Variants in FKBP15 observed in about 807,000 individuals in gnomAD.
FKBP15 encodes FK506-binding protein 15.
A neutral mutation model predicts 158.1 loss-of-function variants in FKBP15; 106 were observed. That is an observed-to-expected ratio of 0.67 (90% CI 0.57 to 0.79). The LOEUF (loss-of-function observed/expected upper bound fraction) is 0.79. Among genes scored for constraint, FKBP15 ranks in the 30% least tolerant of loss-of-function variants. FKBP15 has a pLI of 0.00. For synonymous variants in FKBP15, 547 were observed against 548.6 expected (o/e 1.00, Z 0.04); for missense variants, 1,287 against 1,479.1 (o/e 0.87, Z 2.13).
chr9:113,206,682 C>A (rs1265529413), intron 3 of FKBP15, 104 bp from the exon 4 acceptor site: 3 of 551,228 alleles, frequency 5.4e-6, no homozygotes, highest in Non-Finnish European at 9.2e-6. Flanking sequence ...CATTCAGCCT[C>A]TAGGCAGGGA....
At position 113,178,655 on chromosome 9, in the gene FKBP15, G is replaced by A; in HGVS notation, c.2061C>T (p.Leu687=). The A allele has an allele frequency of 6.2e-7, 1 of 1,610,184 alleles. No individual in the cohort carries two copies. Among genetic ancestry groups the A allele is most frequent in the Non-Finnish European group, 8.5e-7 (1 of 1,178,550 alleles). ...LKETDLLRGQ[L]TKVQAKLSEL... is the part of the protein sequence containing the mutation. ...CTGAGAGCTTTGCCTGCACTTTGGTGAGCTGGCCCCTGAGAAGATCTGTCT... is the reference window on the plus strand; with the variant it reads ...CTGAGAGCTTTGCCTGCACTTTGGTAAGCTGGCCCCTGAGAAGATCTGTCT... The change falls in exon 20 of 28, where the codon CTC becomes CTT. Residue 687 remains leucine, a synonymous_variant. Transcript: ENST00000238256.
rs771046698 is a variant in FKBP15, at chr9:113,174,484, G to A, written c.2323C>T (p.Leu775Phe). ...CGAGTCTTTTTCAAGAGCTGTCGAAGTTTGTCCAATTCCTCCTGGTATGAC... is the reference window on the plus strand; with the variant it reads ...CGAGTCTTTTTCAAGAGCTGTCGAAATTTGTCCAATTCCTCCTGGTATGAC... Reference protein sequence around the residue: ...RKSYQEELDKLRQLLKKTRVS... With the variant: ...RKSYQEELDKFRQLLKKTRVS... The change falls in exon 22 of 28, where the codon CTT becomes TTT. Residue 775 changes from leucine (L) to phenylalanine (F), a missense_variant. Coordinates refer to ENST00000238256, the MANE Select transcript of FKBP15 (RefSeq NM_015258.2). 1.2e-6 allele frequency: 2 copies of A among 1,613,882 alleles called. No individual in the cohort carries two copies. Among genetic ancestry groups the A allele is most frequent in the Non-Finnish European group, 1.7e-6 (2 of 1,179,894 alleles).
chr9:113,161,283 C>A lies in FKBP15; in HGVS notation c.*4795G>T, dbSNP rs368715389. ...GGGGTAATGGTACGTGGCTTCTTCACCCTCAGCCCCTGGATTTTTCAGGTG... is the reference window on the plus strand; with the variant it reads ...GGGGTAATGGTACGTGGCTTCTTCAACCTCAGCCCCTGGATTTTTCAGGTG... On this transcript the variant is annotated 3_prime_UTR_variant, in exon 28 of 28. Transcript: ENST00000238256. 15 of 542,052 alleles carry A rather than the reference C, an allele frequency of 2.8e-5. No individual in the cohort carries two copies. The highest frequency in any genetic ancestry group is 1.7e-4 in the African/African-American group (9 of 52,236). 33.6% of individuals were successfully genotyped at this position (542,052 alleles called of 1,614,324 possible).
chr9:113,171,383 A>T (rs987780591), intron 24 of FKBP15, among the ~76,000 whole-genome samples, 198 bp downstream of exon 24: 11 of 152,358 alleles, frequency 7.2e-5, no homozygotes, highest in Non-Finnish European at 1.5e-4. Context: ...CCAAGATCAC[A>T]TCACTGCACT....
intron 14 of FKBP15, chr9:113,187,362 GA>G (rs2118894898): frequency 6.4e-6 from 1 of 156,698 alleles, no homozygotes; most frequent in South Asian, 1.8e-4. Flanking sequence ...CCTTCTTTAA[GA>G]AAAGTTTACT....
Position 113,198,873 on chromosome 9 carries a change from T to A in FKBP15, c.699A>T (p.Gly233=), listed in dbSNP as rs375722025. ...NKDKLLRLKL[G]SGKVIKGWED... Reference sequence around the variant, plus strand: ...CCTTTACCTTGATGACTTTTCCTGATCCTAACTTCAAGCGAAGCAACTTAT... The same window carrying A: ...CCTTTACCTTGATGACTTTTCCTGAACCTAACTTCAAGCGAAGCAACTTAT... Residue 233 remains glycine (G), a synonymous_variant, in exon 8 of 28, where the codon GGA becomes GGT. Coordinates refer to ENST00000238256, the MANE Select transcript of FKBP15 (RefSeq NM_015258.2). The surrounding 1 kb of genome is among the most constrained non-coding windows in gnomAD (Gnocchi z 5.2). 48 of 1,604,720 alleles carry A rather than the reference T, an allele frequency of 3.0e-5. No individual in the cohort carries two copies. The highest frequency in any genetic ancestry group is 3.8e-5 in the Non-Finnish European group (45 of 1,175,278).
At chr9:113,204,501 A>G (rs1322972077) in intron 4 of FKBP15, among the ~76,000 whole-genome samples, 2 of 152,176 alleles carry the variant, frequency 1.3e-5, no homozygotes. Flanking sequence ...TTTTGCCTTC[A>G]TTTTTGAAGG....
At position 113,182,851 on chromosome 9, in the gene FKBP15, T is replaced by C; in HGVS notation, c.1829A>G (p.Asn610Ser). 1.9e-6 allele frequency: 3 copies of C among 1,613,666 alleles called. No individual in the cohort carries two copies. The highest frequency in any genetic ancestry group is 1.7e-6 in the Non-Finnish European group (2 of 1,179,626). The change falls in exon 19 of 28, where the codon AAC (asparagine) becomes AGC (serine). Residue 610 changes from asparagine (N) to serine (S), a missense_variant. Asn to Ser is a conservative substitution (Grantham distance 46). Transcript: ENST00000238256. ...ERNQRYVEQS[N>S]LMMEKRNNSL... ...GTTGTTCCTCTTCTCCATCATCAGGTTACTCTGCTCAACATACCTGTGAAA... is the reference window on the plus strand; with the variant it reads ...GTTGTTCCTCTTCTCCATCATCAGGCTACTCTGCTCAACATACCTGTGAAA...
intron 9 of FKBP15, among the ~76,000 whole-genome samples, chr9:113,194,639 T>G (rs1830636928): frequency 6.6e-6 from 1 of 152,196 alleles, no homozygotes; most frequent in South Asian, 2.1e-4. Context: ...TTATATTATC[T>G]GTGTCTGTAT....
chr9:113,208,226 A>G (rs1298552751), intron 2 of FKBP15, among the ~76,000 whole-genome samples: 1 of 152,078 alleles, frequency 6.6e-6, no homozygotes, highest in Non-Finnish European at 1.5e-5. Context: ...AGTCCCAGCT[A>G]CTCATGAGGC....
chr9:113,216,910 T>A (rs929329889), intron 1 of FKBP15, among the ~76,000 whole-genome samples: 1 of 151,108 alleles, frequency 6.6e-6, no homozygotes, highest in African/African-American at 2.4e-5. Context: ...TTTTCTTTTT[T>A]TTTTTTTTTT....
At position 113,194,144 on chromosome 9, in the gene FKBP15, G is replaced by T. The variant is rs752777873; in HGVS notation, c.890C>A (p.Ser297Tyr). The T allele has an allele frequency of 6.2e-7, 1 of 1,611,990 alleles. No individual in the cohort carries two copies. Among genetic ancestry groups the T allele is most frequent in the Admixed American group, 1.7e-5 (1 of 59,834 alleles). The change falls in exon 10 of 28, where the codon TCT becomes TAT. Residue 297 changes from serine to tyrosine, a missense_variant. Physicochemically the swap from Ser to Tyr is moderately radical, Grantham distance 144. Coordinates refer to ENST00000238256, the MANE Select transcript of FKBP15 (RefSeq NM_015258.2). ...GCGGGAACTAACACTGTGACCATCA[G>T]AGCCAGAATCTCTGGCAAACTTCAC... ...RRVKFARDSG[S>Y]DGHSVSSRDS... is the part of the protein sequence containing the mutation.
intron 2 of FKBP15, among the ~76,000 whole-genome samples, chr9:113,209,234 GA>G (rs1830955312): frequency 6.6e-6 from 1 of 152,056 alleles, no homozygotes; most frequent in Non-Finnish European, 1.5e-5. Context: ...TGGCACCTGT[GA>G]ATAGCCACTA....
intron 5 of FKBP15, 82 bp downstream of exon 5, chr9:113,202,879 T>C: frequency 8.6e-7 from 1 of 1,167,370 alleles, no homozygotes; most frequent in Non-Finnish European, 1.2e-6. Context: ...GTGGATCTAA[T>C]TTCTATTAGG....
intron 2 of FKBP15, among the ~76,000 whole-genome samples, chr9:113,210,114 A>C (rs752561483): frequency 1.3e-5 from 2 of 152,148 alleles, no homozygotes; most frequent in Non-Finnish European, 2.9e-5. Flanking sequence ...CATATGGGGC[A>C]GAAGGCCTTG....
intron 18 of FKBP15, 112 bp downstream of exon 18, chr9:113,183,639 G>T: frequency 1.4e-6 from 1 of 694,620 alleles, no homozygotes; most frequent in Non-Finnish European, 2.5e-6. Flanking sequence ...GCAGGAAACA[G>T]AAATGGCAGA....
intron 15 of FKBP15, among the ~76,000 whole-genome samples, chr9:113,185,336 T>C (rs889836875): frequency 2.6e-5 from 4 of 152,148 alleles, no homozygotes; most frequent in African/African-American, 9.7e-5. Flanking sequence ...CAGTTGTGTT[T>C]GTGGGAAGAG....
chr9:113,186,639 A>T, intron 14 of FKBP15: 1 of 334,306 alleles, frequency 3.0e-6, no homozygotes, highest in Non-Finnish European at 5.6e-6. Context: ...ATAATTAAGC[A>T]GGGATTCATT....
intron 6 of FKBP15, among the ~76,000 whole-genome samples, chr9:113,200,394 G>A (rs1830765489): frequency 6.6e-6 from 1 of 152,168 alleles, no homozygotes; most frequent in African/African-American, 2.4e-5. Flanking sequence ...GGGAACCTAG[G>A]AAAGAAAGGG....
Sources: allele counts gnomAD v4.1 joint callset (sites outside exome capture counted in the v4.1 genomes callset), GRCh38; gene constraint gnomAD v4.1.1; non-coding constraint Gnocchi (gnomAD v3.1); transcripts MANE v1.5; gene names NCBI Gene and HGNC (gene_info 2026-07-23, HGNC 2026-07-21).